The following ATG2B variants were observed in gnomAD, a reference collection of about 807,000 sequenced individuals.
ATG2B encodes autophagy related 2B.
A neutral mutation model predicts 241.3 loss-of-function variants in ATG2B; 121 were observed. The ratio of observed to expected loss-of-function variants is 0.50; its 90% CI spans 0.43 to 0.58. The LOEUF (loss-of-function observed/expected upper bound fraction) is 0.58. Ranked by LOEUF, ATG2B falls within the 20% of genes least tolerant of loss-of-function variation. ATG2B has a pLI of 0.00. For synonymous variants in ATG2B, 858 were observed against 876.6 expected, an observed-to-expected ratio of 0.98 and a Z score of 0.37; for missense variants, 2,306 against 2,491.6, an observed-to-expected ratio of 0.93 and a Z score of 1.59.
At chr14:96,312,723 C>T (rs745464488) in intron 25 of ATG2B, among the ~76,000 whole-genome samples, 8 of 152,108 alleles carry the variant, frequency 5.3e-5, no homozygotes, top group Admixed American at 2.0e-4. Context: ...GCATTCCAGC[C>T]TGGGCCACAC....
At position 96,315,207 on chromosome 14, in the gene ATG2B, CT is replaced by C; in HGVS notation, c.3588del (p.Gly1197GlufsTer23). ...AGCATTCTATGCTGGAGAGTGGCTC[CT>C]TTCAGTCCTACGGCAATGAGAAATT... is the stretch of plus-strand genomic sequence containing the variant. ...TKEFLIAVGL[K>X]GATLQHRMLP... On this transcript the variant is annotated frameshift_variant, in exon 23 of 42. Transcript: ENST00000359933. LOFTEE classifies it high-confidence loss of function. 1 of 1,614,130 alleles carries C rather than the reference CT, an allele frequency of 6.2e-7. No homozygotes were observed. The highest frequency in any genetic ancestry group is 8.5e-7 in the Non-Finnish European group (1 of 1,179,990).
At chr14:96,352,683 T>C (rs1327382410) in intron 1 of ATG2B, among the ~76,000 whole-genome samples, 1 of 152,130 alleles carries the variant, frequency 6.6e-6, no homozygotes, top group African/African-American at 2.4e-5. Context: ...TATTTTTGCA[T>C]AGCTGTACAA....
intron 6 of ATG2B, 89 bp downstream of exon 6, chr14:96,341,433 C>T (rs1595328358): frequency 2.0e-6 from 2 of 1,005,460 alleles, no homozygotes; most frequent in East Asian, 5.3e-5. Flanking sequence ...GGATAATCTG[C>T]AGTAATCAAT....
chr14:96,327,816 C>A (rs1344000156), intron 14 of ATG2B, among the ~76,000 whole-genome samples: 3 of 151,906 alleles, frequency 2.0e-5, no homozygotes, highest in Non-Finnish European at 2.9e-5. Context: ...ATCTTCATAA[C>A]CATCATTTTC....
chr14:96,309,967 G>T (rs968400676), intron 28 of ATG2B, among the ~76,000 whole-genome samples: 1 of 152,122 alleles, frequency 6.6e-6, no homozygotes, highest in South Asian at 2.1e-4. Context: ...TTGACATAAA[G>T]CCCCTGTAGG....
chr14:96,315,622 A>T, intron 21 of ATG2B, 39 bp from the exon 22 acceptor site: 1 of 1,488,504 alleles, frequency 6.7e-7, no homozygotes, highest in Non-Finnish European at 9.3e-7. Flanking sequence ...TAACAAAATG[A>T]TTACTTGAAA....
At chr14:96,300,472 G>A (rs1257292225) in intron 34 of ATG2B, among the ~76,000 whole-genome samples, 1 of 144,590 alleles carries the variant, frequency 6.9e-6, no homozygotes, top group African/African-American at 2.6e-5. Context: ...GCTGCAGTGA[G>A]CCATGATCTA....
chr14:96,295,727 CCACACACA>C (rs59902412), intron 34 of ATG2B, among the ~76,000 whole-genome samples, 167 bp from the exon 35 acceptor site: 2 of 145,758 alleles, frequency 1.4e-5, no homozygotes, highest in Non-Finnish European at 3.0e-5. Flanking sequence ...CTTCCCCCCA[CCACACACA>C]CACACACACA....
In ATG2B at chr14:96,313,314, C is replaced by T. The variant is rs751158927; in HGVS notation, c.3749+15G>A. ...TTTTAAATAAAACTTTATTTTGTTC[C>T]ATTTGTGAACTTACCTATAATCAAG... On this transcript the variant is annotated intron_variant, in intron 24 of 41. Transcript: ENST00000359933. 3.7e-5 allele frequency: 57 copies of T among 1,523,892 alleles called. No individual in the cohort carries two copies. The Middle Eastern group carries it at 1.4e-3, about 37-fold the overall frequency. 94.4% of individuals were successfully genotyped at this position (1,523,892 alleles called of 1,614,324 possible). A position where few individuals can be genotyped will look rare whatever the true frequency, so the allele number is the denominator to read the frequency against.
At chr14:96,322,276 C>CA (rs750652328) in intron 17 of ATG2B, 22 bp from the exon 18 acceptor site, 205 of 1,536,898 alleles carry the variant, frequency 1.3e-4, no homozygotes, top group Admixed American at 4.3e-4. Flanking sequence ...TAGTTCAGTG[C>CA]AAAAAAAAAG....
chr14:96,285,656 G>A lies in ATG2B; in HGVS notation c.*99C>T. ...TAAAAAATGCTTTTGTTCCTGAGAT[G>A]AGCACAATAAAATTAAACGAGCTTC... On this transcript the variant is annotated 3_prime_UTR_variant, in exon 42 of 42. Coordinates refer to ENST00000359933, the MANE Select transcript of ATG2B (RefSeq NM_018036.7). The surrounding 1 kb of genome is among the most constrained non-coding windows in gnomAD (Gnocchi z 4.2). The A allele has an allele frequency of 8.9e-7, 1 of 1,128,706 alleles. No individual in the cohort carries two copies. Among genetic ancestry groups the A allele is most frequent in the Non-Finnish European group, 1.3e-6 (1 of 774,424 alleles). 69.9% of individuals were successfully genotyped at this position (1,128,706 alleles called of 1,614,324 possible).
chr14:96,344,816 C>T, intron 3 of ATG2B, 60 bp from the exon 4 acceptor site: 1 of 696,398 alleles, frequency 1.4e-6, no homozygotes. Context: ...TAAAAACCTC[C>T]AAAGAAATAA....
rs1026159337 is a variant in ATG2B, at chr14:96,284,354, T to C, written c.*1401A>G. 3 of 152,248 alleles carry C rather than the reference T, an allele frequency of 2.0e-5. No individual in the cohort carries two copies. Among genetic ancestry groups the C allele is most frequent in the African/African-American group, 7.2e-5 (3 of 41,460 alleles). 9.4% of individuals were successfully genotyped at this position (152,248 alleles called of 1,614,324 possible). A position where few individuals can be genotyped will look rare whatever the true frequency, so the allele number is the denominator to read the frequency against. ...GCTATATAACCCCATTTTTATAAATTCTAAACATTTTGATTTTTGGTTTAC... is the reference window on the plus strand; with the variant it reads ...GCTATATAACCCCATTTTTATAAATCCTAAACATTTTGATTTTTGGTTTAC... On this transcript the variant is annotated 3_prime_UTR_variant, in exon 42 of 42. Transcript: ENST00000359933.
At chr14:96,320,696 G>A (rs1186222833) in intron 18 of ATG2B, among the ~76,000 whole-genome samples, 1 of 152,144 alleles carries the variant, frequency 6.6e-6, no homozygotes, top group Non-Finnish European at 1.5e-5. Flanking sequence ...TTAATCAAAA[G>A]CAATCTGCTC....
In ATG2B at chr14:96,312,122, T is replaced by C; in HGVS notation, c.3880A>G (p.Lys1294Glu). Reference protein sequence around the residue: ...LDEAALHLSDKCNTVTINLSR... With the variant: ...LDEAALHLSDECNTVTINLSR... ...AGATTTATAGTGACAGTATTGCATT[T>C]GTCAGATAGATGTAAAGCAGCTTCA... The change falls in exon 26 of 42, where the codon AAA becomes GAA. Residue 1294 changes from lysine (K) to glutamate (E), a missense_variant. Transcript: ENST00000359933. 6.2e-7 allele frequency: 1 copy of C among 1,603,078 alleles called. No individual in the cohort carries two copies. Among genetic ancestry groups the C allele is most frequent in the Non-Finnish European group, 8.5e-7 (1 of 1,177,030 alleles).
At chr14:96,340,087 A>AATATATATATCATATAATATATATATC (rs1362017978) in intron 6 of ATG2B, among the ~76,000 whole-genome samples, 1 of 122,734 alleles carries the variant, frequency 8.1e-6, no homozygotes, top group African/African-American at 2.8e-5. Flanking sequence ...GATATATATG[A>AATATATATATCATATAATATATATATC]ATATATGCTA....
rs939378522 is a variant in ATG2B, at chr14:96,290,468, C to G, written c.5824G>C (p.Glu1942Gln). Residue 1942 changes from glutamate to glutamine, a missense_variant, in exon 40 of 42, where the codon GAA becomes CAA. Glu to Gln is a conservative substitution (Grantham distance 29, BLOSUM62 2). This residue lies in a region of ATG2B where 379 missense variants were observed against 480.4 expected (regional missense o/e 0.79). Transcript: ENST00000359933. The surrounding 1 kb of genome is among the most constrained non-coding windows in gnomAD (Gnocchi z 4.4). ...FGTSTAMAAL[E>Q]LTNRMVQTIQ... is the part of the protein sequence containing the mutation. ...GTTTGAACCATTCTGTTTGTGAGTTCTAGAGCAGCCATCGCTGTCGAGGTA... is the reference window on the plus strand; with the variant it reads ...GTTTGAACCATTCTGTTTGTGAGTTGTAGAGCAGCCATCGCTGTCGAGGTA... 1.2e-6 allele frequency: 2 copies of G among 1,614,188 alleles called. No individual in the cohort carries two copies. The highest frequency in any genetic ancestry group is 1.7e-6 in the Non-Finnish European group (2 of 1,180,032).
rs780943616 is a variant in ATG2B at position 96,331,533 on chromosome 14, A to G, written c.1573T>C (p.Ser525Pro). 2 of 1,614,168 alleles carry G rather than the reference A, an allele frequency of 1.2e-6. No individual in the cohort carries two copies. Among genetic ancestry groups the G allele is most frequent in the South Asian group, 2.2e-5 (2 of 91,078 alleles). The change falls in exon 11 of 42, where the codon TCT (serine) becomes CCT (proline). Residue 525 changes from serine (S) to proline (P), a missense_variant. This residue lies in a region of ATG2B where 1,927 missense variants were observed against 2,011.2 expected (regional missense o/e 0.96). Coordinates refer to ENST00000359933, the MANE Select transcript of ATG2B (RefSeq NM_018036.7). ...AGGTTCTGTGACGTTTCAGGTGGAG[A>G]TAAAGGATCAATGTGAAGCACAGAG... The part of the protein sequence containing the change: ...SISVLHIDPL[S>P]PPETSQNLNP...
chr14:96,285,827 A>G lies in ATG2B; in HGVS notation c.6165T>C (p.Gly2055=), dbSNP rs752422916. Residue 2055 remains glycine (G), a synonymous_variant, in exon 42 of 42, where the codon GGT becomes GGC. Coordinates refer to ENST00000359933, the MANE Select transcript of ATG2B (RefSeq NM_018036.7). The surrounding 1 kb of genome is among the most constrained non-coding windows in gnomAD (Gnocchi z 4.2). ...CTGGCCTAATTTGGTTTCTCATGCC[A>G]CCCAGCACGTTTGACGTTGCTTCTG... The part of the protein sequence containing the change: ...VATEATSNVL[G]GMRNQIRPDV... 3.7e-6 allele frequency: 6 copies of G among 1,613,908 alleles called. No individual in the cohort carries two copies. The African/African-American group carries it at 8.0e-5, about 22-fold the overall frequency.
Sources: allele counts gnomAD v4.1 joint callset (sites outside exome capture counted in the v4.1 genomes callset), GRCh38; gene constraint gnomAD v4.1.1; regional missense constraint gnomAD v4.1.1; non-coding constraint Gnocchi (gnomAD v3.1); transcripts MANE v1.5; gene names NCBI Gene and HGNC (gene_info 2026-07-23, HGNC 2026-07-21).